The following VPS13C variants were observed in gnomAD, a reference collection of about 807,000 sequenced individuals.
VPS13C encodes the protein vacuolar protein sorting 13 homolog C.
A neutral mutation model predicts 456.8 loss-of-function variants in VPS13C; 358 were observed. The ratio of observed to expected loss-of-function variants is 0.78; its 90% CI spans 0.72 to 0.86. VPS13C has a LOEUF of 0.86. Ranked by LOEUF, VPS13C falls within the 40% of genes least tolerant of loss-of-function variation. VPS13C has a pLI of 0.00. For synonymous variants in VPS13C, 1,578 were observed against 1,486.7 expected, an observed-to-expected ratio of 1.06 and a Z score of -1.41; for missense variants, 4,818 against 4,385.4, an observed-to-expected ratio of 1.10 and a Z score of -2.79.
intron 82 of VPS13C, among the ~76,000 whole-genome samples, chr15:61,863,211 G>C (rs1409339328): frequency 6.6e-6 from 1 of 152,044 alleles, no homozygotes; most frequent in African/African-American, 2.4e-5. Context: ...AAGTCCCTAA[G>C]CCACACTGAG....
Position 62,045,446 on chromosome 15 carries a change from T to C in VPS13C, c.101-1191A>G, listed in dbSNP as rs544785747. ...GCTGGAAGGTTTAAGTAGTATTTAC[T>C]GGGTGGATAAGAAAAGAGGGCAAAT... On this transcript the variant is annotated intron_variant, in intron 1 of 84. Coordinates refer to ENST00000644861, the MANE Select transcript of VPS13C (RefSeq NM_020821.3). Among the ~76,000 whole-genome samples the C allele has an allele frequency of 2.0e-5, 3 of 152,214 alleles. No individual in the cohort carries two copies. In the South Asian group the frequency reaches 6.2e-4, roughly 32 times the overall value.
chr15:61,920,246 G>C lies in VPS13C; in HGVS notation c.7298C>G (p.Pro2433Arg), dbSNP rs148467516. The change falls in exon 57 of 85, where the codon CCC becomes CGC. Residue 2433 changes from proline to arginine, a missense_variant. Transcript: ENST00000644861. ...ATTACAATTGGGCTTCACCTTAATG[G>C]GAACACCTACAGCATTTTTTACCGT... Reference protein sequence around the residue: ...PFTVKNAVGVPIKVKPNCNLR... With the variant: ...PFTVKNAVGVRIKVKPNCNLR... 206 of 1,613,412 alleles carry C rather than the reference G, an allele frequency of 1.3e-4. 1 individual carries two copies. The African/African-American group carries it at 2.6e-3, about 20-fold the overall frequency.
At chr15:61,909,181 T>C in intron 64 of VPS13C, 56 bp from the exon 65 acceptor site, 6 of 1,587,864 alleles carry the variant, frequency 3.8e-6, no homozygotes, top group Non-Finnish European at 5.1e-6. Flanking sequence ...TACACTTACA[T>C]ATGGAATTTC....
chr15:61,917,190 A>G, intron 60 of VPS13C, 151 bp downstream of exon 60: 1 of 795,962 alleles, frequency 1.3e-6, no homozygotes, highest in Non-Finnish European at 2.0e-6. Flanking sequence ...AGTAAATGTT[A>G]TGCCAGTTTT....
At position 62,052,423 on chromosome 15, in the gene VPS13C, C is replaced by T. The variant is rs538434310; in HGVS notation, c.100+7852G>A. ...TGGTGCGGTGACTCACGCCTGTAAT[C>T]CCAGCACTTTGGAAGGCTGAGGCAG... On this transcript the variant is annotated intron_variant, in intron 1 of 84. Coordinates refer to ENST00000644861, the MANE Select transcript of VPS13C (RefSeq NM_020821.3). Among the ~76,000 whole-genome samples the T allele has an allele frequency of 2.6e-5, 4 of 152,002 alleles. No homozygotes were observed. The East Asian group carries it at 7.7e-4, about 29-fold the overall frequency.
intron 15 of VPS13C, among the ~76,000 whole-genome samples, chr15:62,001,624 T>G (rs914165398): frequency 1.4e-4 from 22 of 152,160 alleles, no homozygotes; most frequent in Admixed American, 2.6e-4. Context: ...ACCCACTAAC[T>G]TGTCATCTAG....
intron 1 of VPS13C, among the ~76,000 whole-genome samples, chr15:62,050,645 CA>C (rs1038303454): frequency 6.6e-6 from 1 of 151,480 alleles, no homozygotes. Context: ...CTAAAAAATA[CA>C]AAAAAATTAG....
intron 14 of VPS13C, among the ~76,000 whole-genome samples, chr15:62,008,025 G>C (rs1023149530): frequency 6.6e-6 from 1 of 152,034 alleles, no homozygotes; most frequent in Non-Finnish European, 1.5e-5. Context: ...TAGATCACAA[G>C]GTCAGGAGTT....
intron 2 of VPS13C, among the ~76,000 whole-genome samples, chr15:62,042,141 C>A (rs982632693): frequency 2.0e-5 from 3 of 151,970 alleles, no homozygotes; most frequent in African/African-American, 7.2e-5. Flanking sequence ...GCTAGATTCC[C>A]AATATATTAT....
rs190222028 is a variant in VPS13C at position 62,028,379 on chromosome 15, C to A, written c.427G>T (p.Val143Phe). The A allele has an allele frequency of 6.2e-7, 1 of 1,612,984 alleles. No homozygotes were observed. The highest frequency in any genetic ancestry group is 1.3e-5 in the African/African-American group (1 of 74,920). The change falls in exon 6 of 85, where the codon GTT becomes TTT. Residue 143 changes from valine to phenylalanine, a missense_variant. Val to Phe is a conservative substitution (Grantham distance 50). Transcript: ENST00000644861. ...GEFIYGLENF[V>F]YKDIKPGRKR... ...CCACCAGGCTTGATGTCCTTGTAAACAAAGTTCTCCAAGCCATATATGAAC... is the reference window on the plus strand; with the variant it reads ...CCACCAGGCTTGATGTCCTTGTAAAAAAAGTTCTCCAAGCCATATATGAAC...
At chr15:61,972,837 T>C in intron 26 of VPS13C, 73 bp from the exon 27 acceptor site, 5 of 1,446,774 alleles carry the variant, frequency 3.5e-6, no homozygotes, top group Non-Finnish European at 4.6e-6. Context: ...CAAATCTAAA[T>C]CTCTAAAAAG....
intron 42 of VPS13C, 58 bp downstream of exon 42, chr15:61,949,385 T>A: frequency 6.4e-7 from 1 of 1,564,280 alleles, no homozygotes; most frequent in Non-Finnish European, 8.6e-7. Context: ...AAAAAACAAG[T>A]TGTTATATGA....
At position 61,907,258 on chromosome 15, in the gene VPS13C, A is replaced by G. The variant is rs200449323; in HGVS notation, c.9105+6T>C. On this transcript the variant is annotated splice_donor_region_variant and intron_variant, in intron 66 of 84. Transcript: ENST00000644861. ...TCATATAGCACTCATTCACATCAAA[A>G]GATACCTTTAACAGATCATGTTCCC... 6.2e-7 allele frequency: 1 copy of G among 1,613,624 alleles called. No homozygotes were observed. Among genetic ancestry groups the G allele is most frequent in the Non-Finnish European group, 8.5e-7 (1 of 1,179,586 alleles).
rs1483569576 is a variant in VPS13C, at chr15:61,915,827, C to A, written c.8251G>T (p.Val2751Phe). Residue 2751 changes from valine to phenylalanine, a missense_variant, in exon 61 of 85, where the codon GTC (valine) becomes TTC (phenylalanine). Transcript: ENST00000644861. ...CTCCTGACGTGGACTGACAGGTCGACTGTCGTCACTTCTGTGGAGTCAGAA... is the reference window on the plus strand; with the variant it reads ...CTCCTGACGTGGACTGACAGGTCGAATGTCGTCACTTCTGTGGAGTCAGAA... ...FSSDSTEVTT[V>F]DLSVHVRRIG... 6.2e-7 allele frequency: 1 copy of A among 1,613,918 alleles called. No homozygotes were observed. Among genetic ancestry groups the A allele is most frequent in the Non-Finnish European group, 8.5e-7 (1 of 1,180,018 alleles).
intron 66 of VPS13C, chr15:61,907,016 A>G (rs896737264): frequency 2.6e-6 from 1 of 385,208 alleles, no homozygotes; most frequent in Non-Finnish European, 4.7e-6. Context: ...TTAATTAAAA[A>G]GGTGCTTTAC....
chr15:62,012,640 A>G, intron 11 of VPS13C, among the ~76,000 whole-genome samples: 1 of 151,952 alleles, frequency 6.6e-6, no homozygotes, highest in East Asian at 1.9e-4. Flanking sequence ...TACTATTCAG[A>G]AAATCATCAC....
intron 1 of VPS13C, among the ~76,000 whole-genome samples, chr15:62,053,228 A>G (rs981464222): frequency 1.3e-5 from 2 of 152,178 alleles, no homozygotes; most frequent in Admixed American, 1.3e-4. Flanking sequence ...GGCTGGGAGG[A>G]AAAGACTAAA....
At chr15:62,059,998 G>A (rs1032908103) in intron 1 of VPS13C, among the ~76,000 whole-genome samples, 1 of 152,256 alleles carries the variant, frequency 6.6e-6, no homozygotes, top group African/African-American at 2.4e-5. Flanking sequence ...GAAACGGGCA[G>A]GGCGGGGACA....
intron 1 of VPS13C, among the ~76,000 whole-genome samples, chr15:62,056,579 C>T (rs780385193): frequency 4.2e-4 from 64 of 152,262 alleles, no homozygotes; most frequent in Middle Eastern, 6.8e-3. Flanking sequence ...GGGAGGCTCC[C>T]TTTCCCCGGG....
Sources: gnomAD v4.1 joint callset for allele counts (sites outside exome capture counted in the v4.1 genomes callset) on GRCh38, gnomAD v4.1.1 for gene constraint, MANE v1.5 for transcripts, NCBI Gene and HGNC (gene_info 2026-07-23, HGNC 2026-07-21) for gene names.